CCNT1: variants seen among roughly 807,000 people sequenced by gnomAD.
CCNT1 encodes cyclin T1.
Under a neutral mutation model 67.3 loss-of-function variants are expected in CCNT1, and 18 were observed. The ratio of observed to expected loss-of-function variants is 0.27; its 90% CI spans 0.18 to 0.40. CCNT1 has a LOEUF of 0.40. CCNT1 is among the 10% of genes least tolerant of loss of function. The pLI is 1.00. For missense variants in CCNT1, 744 were observed against 884.9 expected (o/e 0.84, Z 2.02); for synonymous variants, 333 against 310.3 (o/e 1.07, Z -0.77).
chr12:48,704,184 T>C (rs1481970556), intron 3 of CCNT1, among the ~76,000 whole-genome samples: 1 of 152,100 alleles, frequency 6.6e-6, no homozygotes, highest in Non-Finnish European at 1.5e-5. Context: ...CAAATAACAG[T>C]GGTTCATTAG....
chr12:48,714,869 G>A (rs538188245), intron 1 of CCNT1, among the ~76,000 whole-genome samples: 55 of 152,316 alleles, frequency 3.6e-4, no homozygotes, highest in Admixed American at 1.6e-3. Context: ...CTGGAGTGCG[G>A]TGGCACCATC....
chr12:48,694,838 T>C (rs1940143875), intron 8 of CCNT1, among the ~76,000 whole-genome samples: 1 of 152,106 alleles, frequency 6.6e-6, no homozygotes, highest in African/African-American at 2.4e-5. Context: ...TTTGTTTGTT[T>C]GTTTGAGACA....
intron 4 of CCNT1, among the ~76,000 whole-genome samples, chr12:48,700,258 G>A (rs1032088903): frequency 4.8e-5 from 7 of 147,012 alleles, no homozygotes. Context: ...GGCGGAGGTT[G>A]CAATGAGCCA....
chr12:48,696,079 T>C lies in CCNT1; in HGVS notation c.626A>G (p.Asn209Ser), dbSNP rs1331561433. The part of the protein sequence containing the change: ...VCIHLACKWS[N>S]WEIPVSTDGK... ...GTCAGTTGAGACTGGGATCTCCCAA[T>C]TGGACCACTTGCAAGCCAGGTGAAT... Residue 209 changes from asparagine to serine, a missense_variant, in exon 7 of 9, where the codon AAT (asparagine) becomes AGT (serine). By Grantham distance (46) the Asn-to-Ser change is conservative. Transcript: ENST00000261900. 7 of 1,613,826 alleles carry C rather than the reference T, an allele frequency of 4.3e-6. No homozygotes were observed. Among genetic ancestry groups the C allele is most frequent in the Non-Finnish European group, 5.9e-6 (7 of 1,179,968 alleles).
chr12:48,702,975 A>G (rs112646973), intron 3 of CCNT1, among the ~76,000 whole-genome samples: 3,066 of 151,892 alleles, frequency 0.02, 110 homozygotes, highest in African/African-American at 0.07. Flanking sequence ...ATAAAAATTA[A>G]CTGGGAGTGG....
chr12:48,710,605 G>C (rs1170153103), intron 2 of CCNT1, among the ~76,000 whole-genome samples: 1 of 152,102 alleles, frequency 6.6e-6, no homozygotes, highest in African/African-American at 2.4e-5. Flanking sequence ...AACAGAGCGA[G>C]ATCTCCCGTC....
chr12:48,694,367 T>C lies in CCNT1; in HGVS notation c.847A>G (p.Ile283Val), dbSNP rs960729876. Reference sequence around the variant, plus strand: ...GAGCTCTGGGAAATCATATTGAGGATTGTCTGCTCTGAAGTCTTTTCATCT... The same window carrying C: ...GAGCTCTGGGAAATCATATTGAGGACTGTCTGCTCTGAAGTCTTTTCATCT... Reference protein sequence around the residue: ...GTDEKTSEQTILNMISQSSSD... With the variant: ...GTDEKTSEQTVLNMISQSSSD... Residue 283 changes from isoleucine (I) to valine (V), a missense_variant, in exon 9 of 9, where the codon ATC becomes GTC. By Grantham distance (29) the Ile-to-Val change is conservative (BLOSUM62 3). Around this residue, in one of 3 missense-constraint regions of CCNT1, gnomAD observed 564 missense variants for 574.2 expected, o/e 0.98. Transcript: ENST00000261900. 8 of 1,614,102 alleles carry C rather than the reference T, an allele frequency of 5.0e-6. No individual in the cohort carries two copies. Among genetic ancestry groups the C allele is most frequent in the South Asian group, 1.1e-5 (1 of 91,094 alleles).
chr12:48,707,423 C>CA (rs1273935708), intron 2 of CCNT1, among the ~76,000 whole-genome samples: 1 of 151,682 alleles, frequency 6.6e-6, no homozygotes, highest in Non-Finnish European at 1.5e-5. Flanking sequence ...GCTGGGATCA[C>CA]AGGCACACGC....
intron 2 of CCNT1, among the ~76,000 whole-genome samples, chr12:48,713,929 C>G (rs536982622): frequency 7.2e-5 from 11 of 152,194 alleles, no homozygotes; most frequent in South Asian, 2.1e-4. Flanking sequence ...GGGTCTCACT[C>G]TGATGCCCAG....
intron 1 of CCNT1, 55 bp downstream of exon 1, chr12:48,716,460 C>A: frequency 6.6e-7 from 1 of 1,506,712 alleles, no homozygotes; most frequent in Non-Finnish European, 9.0e-7. Context: ...GAGACCCGGA[C>A]GCCAGAGCAT....
At position 48,693,534 on chromosome 12, in the gene CCNT1, G is replaced by C. The variant is rs143862407; in HGVS notation, c.1680C>G (p.Ser560Arg). The stretch of plus-strand genomic sequence containing the variant: ...TGGAAGAGGAAAAAGAACTAGACAA[G>C]CTATAGGTTTTATGTGCTAAGTTGC... ...QTSNLAHKTY[S>R]LSSSFSSSSS... Residue 560 changes from serine (S) to arginine (R), a missense_variant, in exon 9 of 9, where the codon AGC becomes AGG. Ser to Arg is a moderately radical substitution (Grantham distance 110). Coordinates refer to ENST00000261900, the MANE Select transcript of CCNT1 (RefSeq NM_001240.4). The C allele has an allele frequency of 6.2e-7, 1 of 1,614,162 alleles. No homozygotes were observed. The highest frequency in any genetic ancestry group is 8.5e-7 in the Non-Finnish European group (1 of 1,180,038).
At chr12:48,696,563 G>T (rs1940172183) in intron 6 of CCNT1, among the ~76,000 whole-genome samples, 1 of 152,122 alleles carries the variant, frequency 6.6e-6, no homozygotes, top group South Asian at 2.1e-4. Context: ...AAGGAAAATT[G>T]TAAGCTTTTT....
rs944391424 is a variant in CCNT1 at position 48,690,832 on chromosome 12, G to C, written c.*2201C>G. ...TTAGAAAATATGTGACATTTGATGA[G>C]AGTAACTAAAAGCTGGAAAAGACAT... On this transcript the variant is annotated 3_prime_UTR_variant, in exon 9 of 9. Coordinates refer to ENST00000261900, the MANE Select transcript of CCNT1 (RefSeq NM_001240.4). The C allele has an allele frequency of 2.6e-5, 4 of 152,114 alleles. No individual in the cohort carries two copies. Among genetic ancestry groups the C allele is most frequent in the South Asian group, 2.1e-4 (1 of 4,826 alleles). 9.4% of individuals were successfully genotyped at this position (152,114 alleles called of 1,614,324 possible). A position where few individuals can be genotyped will look rare whatever the true frequency, so the allele number is the denominator to read the frequency against.
intron 3 of CCNT1, among the ~76,000 whole-genome samples, chr12:48,702,799 A>G (rs536832518): frequency 1.3e-5 from 2 of 152,076 alleles, no homozygotes; most frequent in Non-Finnish European, 2.9e-5. Flanking sequence ...CCTGGGTGAC[A>G]GAGCGAGACT....
In CCNT1 at chr12:48,693,448, G is replaced by C. The variant is rs757887677; in HGVS notation, c.1766C>G (p.Ala589Gly). The C allele has an allele frequency of 4.3e-6, 7 of 1,614,126 alleles. No individual in the cohort carries two copies. ...GGATTTAGTACTCTTGGCAATCTTG[G>C]CTGGATGATCAAACACAGCCCCTCC... The part of the protein sequence containing the change: ...ETGGAVFDHP[A>G]KIAKSTKSSS... Residue 589 changes from alanine to glycine, a missense_variant, in exon 9 of 9, where the codon GCC (alanine) becomes GGC (glycine). By Grantham distance (60) the Ala-to-Gly change is moderately conservative. Around this residue, in one of 3 missense-constraint regions of CCNT1, gnomAD observed 564 missense variants for 574.2 expected, o/e 0.98. Transcript: ENST00000261900.
chr12:48,699,500 C>G (rs1439486137), intron 5 of CCNT1, among the ~76,000 whole-genome samples: 1 of 152,212 alleles, frequency 6.6e-6, no homozygotes, highest in African/African-American at 2.4e-5. Flanking sequence ...ACCCACTCCT[C>G]ACAACTTTCA....
Position 48,692,000 on chromosome 12 carries a change from G to C in CCNT1, c.*1033C>G, listed in dbSNP as rs1404933172. The C allele has an allele frequency of 1.3e-5, 2 of 151,802 alleles. No individual in the cohort carries two copies. Among genetic ancestry groups the C allele is most frequent in the African/African-American group, 4.8e-5 (2 of 41,288 alleles). 9.4% of individuals were successfully genotyped at this position (151,802 alleles called of 1,614,324 possible). A position where few individuals can be genotyped will look rare whatever the true frequency, so the allele number is the denominator to read the frequency against. The stretch of plus-strand genomic sequence containing the variant: ...AGAGACCTTAAGACTGCTCTCATTT[G>C]AACACTTTCCCAAAGCCTCACTTGA... On this transcript the variant is annotated 3_prime_UTR_variant, in exon 9 of 9. Coordinates refer to ENST00000261900, the MANE Select transcript of CCNT1 (RefSeq NM_001240.4).
chr12:48,696,961 T>A (rs555736770), intron 6 of CCNT1, among the ~76,000 whole-genome samples: 2 of 152,018 alleles, frequency 1.3e-5, no homozygotes, highest in African/African-American at 4.8e-5. Context: ...GCCTCCCGAG[T>A]AGCTGGTACT....
chr12:48,712,849 A>C (rs533259799), intron 2 of CCNT1, among the ~76,000 whole-genome samples: 1 of 152,046 alleles, frequency 6.6e-6, no homozygotes, highest in South Asian at 2.1e-4. Context: ...CTGAGGAAAG[A>C]GGATTGCTTG....
Sources: gnomAD v4.1 joint callset for allele counts (sites outside exome capture counted in the v4.1 genomes callset) on GRCh38, gnomAD v4.1.1 for gene constraint, gnomAD v4.1.1 regional missense constraint, MANE v1.5 for transcripts, NCBI Gene and HGNC (gene_info 2026-07-23, HGNC 2026-07-21) for gene names.